EFCAB13: variants seen among roughly 807,000 people sequenced by gnomAD.
The protein encoded by EFCAB13 is EF-hand calcium binding domain 13, also known as EF-hand calcium-binding domain-containing protein 13.
A neutral mutation model predicts 110.2 loss-of-function variants in EFCAB13; 91 were observed. The observed-to-expected ratio is 0.83, with a 90% CI of 0.70 to 0.98. The LOEUF (loss-of-function observed/expected upper bound fraction) is 0.98, where lower values mean the gene tolerates loss of function less well. EFCAB13 is among the 50% of genes least tolerant of loss of function. The pLI is 0.00. For missense variants in EFCAB13, 968 were observed against 1,119.4 expected (o/e 0.86, Z 1.93); for synonymous variants, 323 against 369.9 (o/e 0.87, Z 1.45).
At chr17:47,328,089 T>A (rs1236146777) in intron 3 of EFCAB13, 180 bp from the exon 4 acceptor site, 2 of 479,406 alleles carry the variant, frequency 4.2e-6, no homozygotes, top group Admixed American at 4.0e-5. Flanking sequence ...TTGGATGATC[T>A]GTGATTTATA....
intron 23 of EFCAB13, among the ~76,000 whole-genome samples, chr17:47,429,547 G>A (rs1191435299): frequency 7.4e-6 from 1 of 134,932 alleles, no homozygotes; most frequent in Non-Finnish European, 1.6e-5. Flanking sequence ...CTGAAAAACA[G>A]GGATGAAAAT....
At chr17:47,434,520 CA>C (rs1279432698) in intron 24 of EFCAB13, among the ~76,000 whole-genome samples, 1 of 152,106 alleles carries the variant, frequency 6.6e-6, no homozygotes, top group Non-Finnish European at 1.5e-5. Context: ...GTACCATGAT[CA>C]TTCTTCACAG....
intron 24 of EFCAB13, among the ~76,000 whole-genome samples, chr17:47,432,116 T>C (rs913998387): frequency 2.0e-5 from 3 of 151,936 alleles, no homozygotes; most frequent in Non-Finnish European, 2.9e-5. Flanking sequence ...ATTAGCTCAG[T>C]GTGGGCCAGG....
chr17:47,397,270 T>G (rs2065745282), intron 17 of EFCAB13, among the ~76,000 whole-genome samples: 1 of 152,192 alleles, frequency 6.6e-6, no homozygotes, highest in Non-Finnish European at 1.5e-5. Context: ...AGCCTCGGCC[T>G]CCCGGGGTGC....
intron 14 of EFCAB13, among the ~76,000 whole-genome samples, chr17:47,383,952 C>T (rs952841905): frequency 2.6e-5 from 4 of 152,108 alleles, no homozygotes; most frequent in Admixed American, 6.5e-5. Context: ...AATTCTCTCA[C>T]TTTCATTGTG....
At chr17:47,398,341 A>G (rs1345520017) in intron 17 of EFCAB13, among the ~76,000 whole-genome samples, 1 of 148,332 alleles carries the variant, frequency 6.7e-6, no homozygotes, top group Non-Finnish European at 1.5e-5. Context: ...CTGCCCGGCC[A>G]CCACCCCGTC....
At chr17:47,325,926 AT>A (rs1160761341) in intron 2 of EFCAB13, among the ~76,000 whole-genome samples, 1 of 20,158 alleles carries the variant, frequency 5.0e-5, no homozygotes, top group Non-Finnish European at 1.2e-4. Context: ...TAAACAAAAT[AT>A]ATATATATAT....
intron 17 of EFCAB13, among the ~76,000 whole-genome samples, chr17:47,401,640 C>CTTTTTTT (rs763737651): frequency 2.0e-4 from 17 of 84,524 alleles, no homozygotes; most frequent in African/African-American, 2.4e-4. Context: ...CTCAGCCTGA[C>CTTTTTTT]TTTTTTTTTT....
chr17:47,412,056 T>A (rs2065838282), intron 21 of EFCAB13, among the ~76,000 whole-genome samples: 1 of 152,204 alleles, frequency 6.6e-6, no homozygotes, highest in Non-Finnish European at 1.5e-5. Flanking sequence ...ATGGCACCAC[T>A]GCACTCCAGC....
chr17:47,440,394 ATTCT>A (rs1163529630), intron 24 of EFCAB13, 33 bp from the exon 25 acceptor site: 1 of 1,510,824 alleles, frequency 6.6e-7, no homozygotes, highest in African/African-American at 1.4e-5. Context: ...TGAAACAATA[ATTCT>A]TTCTTTTAAG....
chr17:47,418,285 C>G (rs764093532), intron 23 of EFCAB13, among the ~76,000 whole-genome samples: 2 of 152,214 alleles, frequency 1.3e-5, no homozygotes, highest in African/African-American at 2.4e-5. Context: ...GTGCTTGCTT[C>G]TCTTCCCTAC....
intron 9 of EFCAB13, among the ~76,000 whole-genome samples, chr17:47,349,950 A>G (rs909747441): frequency 2.7e-5 from 4 of 150,234 alleles, no homozygotes; most frequent in Admixed American, 2.0e-4. Flanking sequence ...AATTTTTTGT[A>G]TTTTTAGTAG....
At chr17:47,334,549 G>C (rs2065338062) in intron 4 of EFCAB13, among the ~76,000 whole-genome samples, 1 of 152,100 alleles carries the variant, frequency 6.6e-6, no homozygotes, top group Non-Finnish European at 1.5e-5. Flanking sequence ...ATACTGCTTT[G>C]CAAAGAGTAT....
At chr17:47,357,300 C>G (rs747394942) in intron 9 of EFCAB13, among the ~76,000 whole-genome samples, 5 of 152,254 alleles carry the variant, frequency 3.3e-5, no homozygotes, top group Non-Finnish European at 5.9e-5. Context: ...CAAAAGTTCA[C>G]GATGTGAGTG....
At chr17:47,343,626 C>T (rs61415483) in intron 6 of EFCAB13, among the ~76,000 whole-genome samples, 488 of 152,190 alleles carry the variant, frequency 3.2e-3, no homozygotes, top group African/African-American at 0.011. Flanking sequence ...GTGAAGACAC[C>T]TGTAATTAGA....
intron 4 of EFCAB13, 74 bp from the exon 5 acceptor site, chr17:47,335,122 A>G (rs971676860): frequency 8.5e-6 from 12 of 1,406,192 alleles, no homozygotes; most frequent in African/African-American, 1.5e-5. Context: ...AAAATGAATG[A>G]TTGACCCAGA....
At chr17:47,396,053 TCTTGTA>T in intron 17 of EFCAB13, 76 bp downstream of exon 17, 1 of 1,330,414 alleles carries the variant, frequency 7.5e-7, no homozygotes, top group African/African-American at 1.5e-5. Context: ...TGTCATTGTA[TCTTGTA>T]CTTGGCGAGA....
At chr17:47,421,360 T>C (rs1461625045) in intron 23 of EFCAB13, among the ~76,000 whole-genome samples, 1 of 148,394 alleles carries the variant, frequency 6.7e-6, no homozygotes, top group African/African-American at 2.6e-5. Flanking sequence ...CTCTGAAACA[T>C]GTGTACTCAG....
intron 11 of EFCAB13, among the ~76,000 whole-genome samples, chr17:47,374,097 C>G (rs1189443247): frequency 6.6e-6 from 1 of 151,982 alleles, no homozygotes; most frequent in East Asian, 1.9e-4. Flanking sequence ...ATAAAATCTC[C>G]CCTTTCCTCA....
Sources: gnomAD v4.1 joint callset for allele counts (sites outside exome capture counted in the v4.1 genomes callset) on GRCh38, gnomAD v4.1.1 for gene constraint, MANE v1.5 for transcripts, NCBI Gene and HGNC (gene_info 2026-07-23, HGNC 2026-07-21) for gene names.